Variants in SAMHD1 observed in about 807,000 individuals in gnomAD.
SAMHD1 encodes deoxynucleoside triphosphate triphosphohydrolase SAMHD1.
Under a neutral mutation model 79.6 loss-of-function variants are expected in SAMHD1, and 54 were observed. The ratio of observed to expected loss-of-function variants is 0.68; its 90% CI spans 0.55 to 0.85. The LOEUF (loss-of-function observed/expected upper bound fraction) is 0.85. Ranked by LOEUF, SAMHD1 falls within the 40% of genes least tolerant of loss-of-function variation. The probability of loss-of-function intolerance (pLI) is 0.00; values close to 1 mark genes in which losing one functional copy is unlikely to be tolerated. For synonymous variants in SAMHD1, 260 were observed against 264.1 expected (o/e 0.98, Z 0.15); for missense variants, 663 against 782.7 (o/e 0.85, Z 1.82).
At chr20:36,898,927 A>G (rs1990250699) in intron 13 of SAMHD1, among the ~76,000 whole-genome samples, 1 of 151,336 alleles carries the variant, frequency 6.6e-6, no homozygotes, top group Admixed American at 6.6e-5. Context: ...AAAAAAAAAA[A>G]AAAAGAAAGA....
intron 9 of SAMHD1, among the ~76,000 whole-genome samples, chr20:36,912,889 GTTTTTTTTTTT>G (rs71186089): frequency 0.019 from 768 of 41,110 alleles, 18 homozygotes; most frequent in African/African-American, 0.077. Flanking sequence ...TTCATTCTTT[GTTTTTTTTTTT>G]TTTTTTTTTT....
intron 14 of SAMHD1, 26 bp from the exon 15 acceptor site, chr20:36,897,985 A>G (rs754111761): frequency 6.2e-7 from 1 of 1,613,708 alleles, no homozygotes; most frequent in Non-Finnish European, 8.5e-7. Context: ...AGATTTCACT[A>G]TCACCTTGAA....
chr20:36,900,990 T>C (rs995638089), intron 13 of SAMHD1, among the ~76,000 whole-genome samples: 3 of 151,954 alleles, frequency 2.0e-5, no homozygotes, highest in African/African-American at 7.3e-5. Flanking sequence ...ATATACACTA[T>C]GTACCCCATG....
Position 36,916,989 on chromosome 20 carries a change from T to A in SAMHD1, c.913A>T (p.Arg305Ter). 1 of 1,614,048 alleles carries A rather than the reference T, an allele frequency of 6.2e-7. No homozygotes were observed. ...CATTTGTCCACATCAATGCCATTTC[T>A]TTTATTAGATACTATCTCATAAAGG... ...SFLYEIVSNK[R>*]NGIDVDKWDY... Residue 305 changes from arginine (R) to a stop codon, truncating the protein, a stop_gained, in exon 8 of 16, where the codon AGA (arginine) becomes TGA (stop). Transcript: ENST00000646673. LOFTEE classifies it high-confidence loss of function.
intron 7 of SAMHD1, 116 bp from the exon 8 acceptor site, chr20:36,917,165 T>C: frequency 2.8e-6 from 2 of 707,450 alleles, no homozygotes; most frequent in South Asian, 3.2e-5. Flanking sequence ...ACTGGGAATA[T>C]GAGATAAACT....
intron 6 of SAMHD1, among the ~76,000 whole-genome samples, chr20:36,921,392 CA>C (rs34384942): frequency 4.4e-4 from 24 of 55,100 alleles, no homozygotes; most frequent in African/African-American, 1.5e-3. Flanking sequence ...GACTCTGTCT[CA>C]AAAAAAAAAA....
intron 2 of SAMHD1, among the ~76,000 whole-genome samples, chr20:36,942,226 A>G (rs2063649963): frequency 6.6e-6 from 1 of 152,086 alleles, no homozygotes; most frequent in Non-Finnish European, 1.5e-5. Context: ...GACAAGCCTG[A>G]CTAACATGGA....
chr20:36,943,948 C>T (rs1026311635), intron 2 of SAMHD1, among the ~76,000 whole-genome samples: 1 of 151,498 alleles, frequency 6.6e-6, no homozygotes, highest in African/African-American at 2.4e-5. Flanking sequence ...CATGGTGGCA[C>T]ACACCTGTAG....
chr20:36,902,776 C>T (rs141663886), intron 13 of SAMHD1, among the ~76,000 whole-genome samples: 3 of 151,138 alleles, frequency 2.0e-5, no homozygotes, highest in Non-Finnish European at 3.0e-5. Context: ...CTCACTCTGT[C>T]GCCCAGGCTG....
intron 9 of SAMHD1, among the ~76,000 whole-genome samples, chr20:36,913,557 C>G (rs1312977326): frequency 2.7e-4 from 40 of 149,578 alleles, no homozygotes; most frequent in Middle Eastern, 3.4e-3. Context: ...GAGCGGAGAT[C>G]ACGCCATTGC....
intron 7 of SAMHD1, among the ~76,000 whole-genome samples, chr20:36,918,538 A>G (rs2063488096): frequency 6.6e-6 from 1 of 151,850 alleles, no homozygotes; most frequent in Admixed American, 6.6e-5. Context: ...GTGGCGGCTC[A>G]CGCTTGTAAT....
chr20:36,948,335 C>G (rs1021277743), intron 1 of SAMHD1, among the ~76,000 whole-genome samples: 10 of 152,084 alleles, frequency 6.6e-5, no homozygotes, highest in African/African-American at 2.4e-4. Context: ...TCACTGCAAC[C>G]TCCGCCTCCC....
intron 9 of SAMHD1, 28 bp downstream of exon 9, chr20:36,916,694 T>C (rs1439289900): frequency 6.8e-7 from 1 of 1,479,666 alleles, no homozygotes; most frequent in African/African-American, 1.4e-5. Flanking sequence ...ACAACATTCT[T>C]CTTATTGCCT....
chr20:36,919,219 A>AT, intron 7 of SAMHD1, 145 bp downstream of exon 7: 4 of 736,962 alleles, frequency 5.4e-6, no homozygotes, highest in Non-Finnish European at 6.6e-6. Context: ...TAAGCCTTTT[A>AT]TTTTTTGCAT....
At chr20:36,938,345 G>A (rs2063617977) in intron 3 of SAMHD1, among the ~76,000 whole-genome samples, 1 of 152,032 alleles carries the variant, frequency 6.6e-6, no homozygotes, top group African/African-American at 2.4e-5. Context: ...TTCGAGGCCA[G>A]CCTGGCCAAC....
intron 11 of SAMHD1, among the ~76,000 whole-genome samples, chr20:36,908,539 ATTAT>A (rs1568764809): frequency 6.6e-6 from 1 of 152,072 alleles, no homozygotes; most frequent in Non-Finnish European, 1.5e-5. Context: ...TGTCTGGCCT[ATTAT>A]TTATCTTTTG....
chr20:36,919,321 G>A (rs779442481), intron 7 of SAMHD1, 43 bp downstream of exon 7: 16 of 1,592,618 alleles, frequency 1.0e-5, no homozygotes, highest in Non-Finnish European at 1.3e-5. Flanking sequence ...AAGGCTAGAT[G>A]AAAAGCACCA....
intron 9 of SAMHD1, among the ~76,000 whole-genome samples, chr20:36,912,889 G>GTTTTTTTTTTTTTTTTTTTTTTT (rs71186089): frequency 4.9e-5 from 2 of 41,104 alleles, no homozygotes; most frequent in African/African-American, 1.0e-4. Context: ...TTCATTCTTT[G>GTTTTTTTTTTTTTTTTTTTTTTT]TTTTTTTTTT....
chr20:36,900,819 G>T (rs1319417973), intron 13 of SAMHD1, among the ~76,000 whole-genome samples: 2 of 150,810 alleles, frequency 1.3e-5, no homozygotes, highest in East Asian at 1.9e-4. Context: ...TGATCTGCCC[G>T]CCTTGGCCTC....
Sources: allele counts gnomAD v4.1 joint callset (sites outside exome capture counted in the v4.1 genomes callset), GRCh38; gene constraint gnomAD v4.1.1; transcripts MANE v1.5; gene names NCBI Gene and HGNC (gene_info 2026-07-23, HGNC 2026-07-21).